Variants in SMARCA2 observed in about 807,000 individuals in gnomAD.
SMARCA2 encodes SWI/SNF related BAF chromatin remodeling complex subunit ATPase 2.
Under a neutral mutation model 199.8 loss-of-function variants are expected in SMARCA2, and 61 were observed. The ratio of observed to expected loss-of-function variants is 0.31; its 90% CI spans 0.25 to 0.38. The LOEUF is 0.38. SMARCA2 is among the 10% of genes least tolerant of loss of function. SMARCA2 has a pLI of 1.00. For synonymous variants in SMARCA2, 935 were observed against 732.0 expected (o/e 1.28, Z -4.48); for missense variants, 1,344 against 2,012.2 (o/e 0.67, Z 6.35).
intron 7 of SMARCA2, among the ~76,000 whole-genome samples, chr9:2,057,333 C>T (rs1387951186): frequency 6.6e-6 from 1 of 152,164 alleles, no homozygotes; most frequent in Non-Finnish European, 1.5e-5. Context: ...TAATCCCATT[C>T]GTAAGGGCTC....
intron 8 of SMARCA2, among the ~76,000 whole-genome samples, 177 bp downstream of exon 8, chr9:2,058,641 G>A (rs547693499): frequency 3.9e-5 from 6 of 152,314 alleles, no homozygotes; most frequent in African/African-American, 1.4e-4. Context: ...CCTGGAGAAT[G>A]CATGCCAAAA....
At chr9:2,032,609 C>T (rs1819119139) in intron 2 of SMARCA2, 1 of 168,172 alleles carries the variant, frequency 5.9e-6, no homozygotes, top group Admixed American at 6.3e-5. Context: ...AGACTAACTT[C>T]AACATATAAC....
At chr9:2,179,820 C>T (rs144210548) in intron 29 of SMARCA2, among the ~76,000 whole-genome samples, 86 of 152,190 alleles carry the variant, frequency 5.7e-4, no homozygotes, top group African/African-American at 1.9e-3. Flanking sequence ...GTTAAATCCG[C>T]GATTACAAAG....
At chr9:2,107,083 A>T (rs1268452965) in intron 23 of SMARCA2, among the ~76,000 whole-genome samples, 4 of 152,178 alleles carry the variant, frequency 2.6e-5, no homozygotes, top group African/African-American at 9.7e-5. Context: ...ATCTCCCTGA[A>T]CAATATTAAA....
intron 9 of SMARCA2, among the ~76,000 whole-genome samples, chr9:2,066,997 G>A (rs747613857): frequency 5.1e-4 from 78 of 152,248 alleles, no homozygotes; most frequent in Non-Finnish European, 7.4e-4. Context: ...GTACATGTGC[G>A]CACCAACCAG....
In SMARCA2 at chr9:2,060,797, G is replaced by A. The variant is rs141618610; in HGVS notation, c.1522-19G>A. 1,540 of 1,611,416 alleles carry A rather than the reference G, an allele frequency of 9.6e-4. 11 individuals carry two copies. The African/African-American group carries it at 0.018, about 18-fold the overall frequency. On this transcript the variant is annotated intron_variant, in intron 8 of 33. Coordinates refer to ENST00000349721, the MANE Select transcript of SMARCA2 (RefSeq NM_003070.5). ...CACGCTTATATTATGCTCTCATCCT[G>A]CTCTTCTTTCCTTAATAGGCTGAAG...
At chr9:2,126,678 A>G (rs1300944602) in intron 27 of SMARCA2, among the ~76,000 whole-genome samples, 1 of 152,218 alleles carries the variant, frequency 6.6e-6, no homozygotes, top group Admixed American at 6.5e-5. Flanking sequence ...TTTCCTGGCA[A>G]TGTTGTACAA....
At chr9:2,046,934 G>A (rs959348295) in intron 4 of SMARCA2, among the ~76,000 whole-genome samples, 4 of 152,166 alleles carry the variant, frequency 2.6e-5, no homozygotes, top group Non-Finnish European at 5.9e-5. Context: ...ATTTGCACCC[G>A]TGTTCGTTAG....
At chr9:2,124,174 T>A (rs1823587479) in intron 27 of SMARCA2, among the ~76,000 whole-genome samples, 1 of 152,194 alleles carries the variant, frequency 6.6e-6, no homozygotes, top group Non-Finnish European at 1.5e-5. Flanking sequence ...ATATGCAGGA[T>A]TTTTTGCTAG....
At chr9:2,162,166 C>T (rs935011451) in intron 28 of SMARCA2, among the ~76,000 whole-genome samples, 1 of 152,040 alleles carries the variant, frequency 6.6e-6, no homozygotes, top group African/African-American at 2.4e-5. Flanking sequence ...GAAAAGGATT[C>T]TTAAGGACCT....
intron 18 of SMARCA2, 112 bp downstream of exon 18, chr9:2,087,183 G>A (rs1320013454): frequency 3.0e-6 from 4 of 1,342,418 alleles, no homozygotes; most frequent in Non-Finnish European, 4.1e-6. Flanking sequence ...TTCCACTGTT[G>A]TTTATTTTAT....
At chr9:2,131,287 G>A (rs903742968) in intron 27 of SMARCA2, among the ~76,000 whole-genome samples, 1 of 151,896 alleles carries the variant, frequency 6.6e-6, no homozygotes, top group African/African-American at 2.4e-5. Context: ...CCTTTCTTAC[G>A]GCATCATATA....
intron 29 of SMARCA2, 185 bp from the exon 30 acceptor site, chr9:2,181,386 C>G (rs1176654593): frequency 6.0e-6 from 3 of 501,194 alleles, no homozygotes; most frequent in Non-Finnish European, 1.1e-5. Context: ...TTACTGTGAT[C>G]TTAAAATTAT....
At chr9:2,073,949 G>C (rs772546980) in intron 12 of SMARCA2, among the ~76,000 whole-genome samples, 6 of 152,274 alleles carry the variant, frequency 3.9e-5, no homozygotes, top group Non-Finnish European at 8.8e-5. Context: ...CCTTGGGAAA[G>C]GCCATACCAT....
chr9:2,043,182 C>T (rs989397382), intron 4 of SMARCA2: 4 of 152,160 alleles, frequency 2.6e-5, no homozygotes, highest in African/African-American at 9.7e-5. Context: ...TGTTCCATTT[C>T]CTGGTGTTAT....
chr9:2,147,297 A>G (rs1272762314), intron 27 of SMARCA2, among the ~76,000 whole-genome samples: 1 of 152,036 alleles, frequency 6.6e-6, no homozygotes, highest in African/African-American at 2.4e-5. Context: ...CCCCCATTCC[A>G]AAAAGATGGA....
chr9:2,074,723 G>T (rs191261812), intron 12 of SMARCA2, among the ~76,000 whole-genome samples: 1 of 152,024 alleles, frequency 6.6e-6, no homozygotes, highest in Admixed American at 6.6e-5. Context: ...AAAAATCAGC[G>T]GGGCGTGGTG....
intron 33 of SMARCA2, 158 bp from the exon 34 acceptor site, chr9:2,192,546 G>A: frequency 1.5e-6 from 1 of 685,560 alleles, no homozygotes; most frequent in South Asian, 1.6e-5. Flanking sequence ...GACTGTCGAT[G>A]CCTCTTTAAT....
intron 4 of SMARCA2, chr9:2,042,913 A>G (rs949679392): frequency 1.4e-4 from 21 of 152,138 alleles, no homozygotes; most frequent in Non-Finnish European, 4.4e-5. Flanking sequence ...GGGCACTGCC[A>G]TTTGACAGCA....
Sources: allele counts gnomAD v4.1 joint callset (sites outside exome capture counted in the v4.1 genomes callset), GRCh38; gene constraint gnomAD v4.1.1; transcripts MANE v1.5; gene names NCBI Gene and HGNC (gene_info 2026-07-23, HGNC 2026-07-21).